TMPRSS15: variants seen among roughly 807,000 people sequenced by gnomAD.
TMPRSS15 encodes the protein transmembrane serine protease 15.
Under a neutral mutation model 125.3 loss-of-function variants are expected in TMPRSS15, and 128 were observed. The ratio of observed to expected loss-of-function variants is 1.02; its 90% confidence interval spans 0.89 to 1.18. TMPRSS15 has a LOEUF of 1.18. Ranked by LOEUF, TMPRSS15 falls within the 50% of genes most tolerant of loss-of-function variation. The probability of loss-of-function intolerance (pLI) is 0.00; values close to 1 mark genes in which losing one functional copy is unlikely to be tolerated. For synonymous variants in TMPRSS15, 446 were observed against 423.2 expected, an observed-to-expected ratio of 1.05 and a Z score of -0.66; for missense variants, 1,283 against 1,212.7, an observed-to-expected ratio of 1.06 and a Z score of -0.86.
At chr21:18,404,798 AGAG>A (rs2076135505), upstream of TMPRSS15, among the ~76,000 whole-genome samples, 1 of 152,072 alleles carries the variant, frequency 6.6e-6, no homozygotes, top group Non-Finnish European at 1.5e-5. Context: ...CCATGAAAGA[AGAG>A]AATTGCCTGT....
intron 3 of TMPRSS15, among the ~76,000 whole-genome samples, chr21:18,387,303 C>A (rs952599475): frequency 6.6e-6 from 1 of 152,100 alleles, no homozygotes; most frequent in African/African-American, 2.4e-5. Flanking sequence ...AGAAATCCTA[C>A]TATGGTACAG....
At chr21:18,453,156 T>A (rs1229297980) in intron 1 of TMPRSS15, among the ~76,000 whole-genome samples, 3 of 152,248 alleles carry the variant, frequency 2.0e-5, no homozygotes, top group Non-Finnish European at 4.4e-5. Context: ...TTAAAAGATT[T>A]TTTTGTATTG....
intron 1 of TMPRSS15, among the ~76,000 whole-genome samples, chr21:18,399,347 A>G (rs1163912226): frequency 6.6e-6 from 1 of 152,130 alleles, no homozygotes; most frequent in Non-Finnish European, 1.5e-5. Context: ...CATTAAGAGG[A>G]TAATTAGAAA....
At chr21:18,479,629 A>C (rs939690593) in intron 1 of TMPRSS15, among the ~76,000 whole-genome samples, 1 of 152,068 alleles carries the variant, frequency 6.6e-6, no homozygotes, top group African/African-American at 2.4e-5. Flanking sequence ...GCCCACAAAC[A>C]TGAAAAAAAG....
intron 1 of TMPRSS15, among the ~76,000 whole-genome samples, chr21:18,463,944 G>A (rs1438429251): frequency 6.6e-6 from 1 of 152,062 alleles, no homozygotes; most frequent in Admixed American, 6.6e-5. Context: ...GGAAGCCGAG[G>A]TGGGTGGATC....
chr21:18,275,767 T>G (rs1174133747), intron 23 of TMPRSS15, among the ~76,000 whole-genome samples: 6 of 152,188 alleles, frequency 3.9e-5, no homozygotes, highest in Non-Finnish European at 7.3e-5. Context: ...TCAGCTTCTT[T>G]GTGGTGCTAT....
intron 24 of TMPRSS15, among the ~76,000 whole-genome samples, 165 bp downstream of exon 24, chr21:18,275,032 T>C (rs1258121500): frequency 6.6e-6 from 1 of 152,182 alleles, no homozygotes; most frequent in Non-Finnish European, 1.5e-5. Flanking sequence ...TTTCCAGTGC[T>C]CAGGTCTACC....
At chr21:18,295,359 G>C (rs2074892806) in intron 19 of TMPRSS15, among the ~76,000 whole-genome samples, 1 of 152,200 alleles carries the variant, frequency 6.6e-6, no homozygotes, top group Non-Finnish European at 1.5e-5. Flanking sequence ...AGCCACTAGA[G>C]ATCAGTATAA....
chr21:18,317,755 TTCCCATCCCATCCCATCCCA>T (rs748910194), intron 16 of TMPRSS15, among the ~76,000 whole-genome samples: 2 of 33,602 alleles, frequency 6.0e-5, no homozygotes, highest in African/African-American at 1.4e-4. Context: ...GTTCTATTAT[TTCCCATCCCATCCCATCCCA>T]TCCCATCCCA....
At chr21:18,456,534 G>T (rs1024027896) in intron 1 of TMPRSS15, among the ~76,000 whole-genome samples, 19 of 151,992 alleles carry the variant, frequency 1.3e-4, no homozygotes, top group Admixed American at 1.2e-3. Context: ...CCTGAAGAGG[G>T]CTACCTAGTT....
chr21:18,482,478 A>T (rs186007669), intron 1 of TMPRSS15, among the ~76,000 whole-genome samples: 92 of 151,760 alleles, frequency 6.1e-4, no homozygotes, highest in African/African-American at 2.2e-3. Flanking sequence ...ACTCAAAGTG[A>T]TGGATGCCTC....
At chr21:18,480,740 C>G (rs1978966912) in intron 1 of TMPRSS15, among the ~76,000 whole-genome samples, 1 of 151,700 alleles carries the variant, frequency 6.6e-6, no homozygotes, top group Admixed American at 6.6e-5. Flanking sequence ...ATCTATGTGA[C>G]TCAAAGGGAA....
intron 10 of TMPRSS15, among the ~76,000 whole-genome samples, chr21:18,347,292 G>T (rs138149767): frequency 6.6e-6 from 1 of 151,862 alleles, no homozygotes; most frequent in East Asian, 1.9e-4. Context: ...GCTGGAGTGC[G>T]GTAGCCAATC....
At chr21:18,459,794 A>C (rs1333745334) in intron 1 of TMPRSS15, among the ~76,000 whole-genome samples, 2 of 152,184 alleles carry the variant, frequency 1.3e-5, no homozygotes, top group Non-Finnish European at 2.9e-5. Flanking sequence ...TTGATTCTTC[A>C]GACTTGTTAC....
intron 8 of TMPRSS15, among the ~76,000 whole-genome samples, chr21:18,358,245 C>T (rs531621650): frequency 1.3e-5 from 2 of 151,866 alleles, no homozygotes; most frequent in South Asian, 4.1e-4. Context: ...AGCCCTCAAC[C>T]TCTACCAATT....
At chr21:18,447,663 T>C (rs954747066) in intron 1 of TMPRSS15, among the ~76,000 whole-genome samples, 4 of 151,996 alleles carry the variant, frequency 2.6e-5, no homozygotes, top group African/African-American at 7.2e-5. Context: ...TCTTATGAGA[T>C]CTCATAGTTT....
chr21:18,380,479 C>A, intron 4 of TMPRSS15: 1 of 449,848 alleles, frequency 2.2e-6, no homozygotes, highest in Non-Finnish European at 4.7e-6. Context: ...TGTATATTTT[C>A]CTAGGTGATA....
At chr21:18,313,345 C>CTA (rs1177590987) in intron 17 of TMPRSS15, among the ~76,000 whole-genome samples, 2 of 137,864 alleles carry the variant, frequency 1.5e-5, no homozygotes, top group African/African-American at 5.0e-5. Context: ...ATCTCTCTCT[C>CTA]TCTCTATATA....
chr21:18,464,810 C>T (rs1372418087), intron 1 of TMPRSS15, among the ~76,000 whole-genome samples: 1 of 152,136 alleles, frequency 6.6e-6, no homozygotes, highest in Non-Finnish European at 1.5e-5. Flanking sequence ...GATGGATTCA[C>T]AGCCAATTTC....
Sources: allele counts gnomAD v4.1 joint callset (sites outside exome capture counted in the v4.1 genomes callset), GRCh38; gene constraint gnomAD v4.1.1; transcripts MANE v1.5; gene names NCBI Gene and HGNC (gene_info 2026-07-23, HGNC 2026-07-21).